Variants in SLC35F4 observed in about 807,000 individuals in gnomAD.
SLC35F4 encodes solute carrier family 35 member F4, also known as chromosome 14 open reading frame 36.
In SLC35F4, 24 loss-of-function variants were observed where a neutral mutation model predicts 44.2. That is an observed-to-expected ratio of 0.54 (90% CI 0.39 to 0.76). SLC35F4 has a LOEUF of 0.76. SLC35F4 is among the 30% of genes least tolerant of loss of function. The probability of loss-of-function intolerance (pLI) is 0.00; values close to 1 mark genes in which losing one functional copy is unlikely to be tolerated. For missense variants in SLC35F4, 562 were observed against 586.1 expected (o/e 0.96, Z 0.42); for synonymous variants, 238 against 223.6 (o/e 1.06, Z -0.57).
intron 1 of SLC35F4, among the ~76,000 whole-genome samples, chr14:57,745,179 A>G (rs2076722159): frequency 6.6e-6 from 1 of 152,222 alleles, no homozygotes; most frequent in Non-Finnish European, 1.5e-5. Flanking sequence ...ATGGGCAAGG[A>G]CTTCATGTCT....
chr14:57,914,862 C>T (rs1889286162), intron 1 of SLC35F4, among the ~76,000 whole-genome samples: 1 of 152,138 alleles, frequency 6.6e-6, no homozygotes, highest in South Asian at 2.1e-4. Flanking sequence ...GGTGACCTTA[C>T]AGTTCTAGGA....
intron 1 of SLC35F4, among the ~76,000 whole-genome samples, chr14:57,815,987 G>A (rs1425632627): frequency 6.6e-6 from 1 of 152,200 alleles, no homozygotes; most frequent in African/African-American, 2.4e-5. Flanking sequence ...GAAGCAAATA[G>A]AGAGCCAAGC....
At chr14:57,769,221 C>G (rs530139337) in intron 1 of SLC35F4, among the ~76,000 whole-genome samples, 92 of 152,158 alleles carry the variant, frequency 6.0e-4, no homozygotes, top group Admixed American at 2.0e-3. Flanking sequence ...TAATAGCCTC[C>G]AGCACCCGTG....
At chr14:57,659,998 A>C (rs73303892) in intron 1 of SLC35F4, among the ~76,000 whole-genome samples, 3,902 of 152,268 alleles carry the variant, frequency 0.026, 158 homozygotes, top group African/African-American at 0.088. Context: ...TCCCAAATCA[A>C]CAAGAGACAG....
At chr14:57,901,614 T>A (rs932642126) in intron 1 of SLC35F4, among the ~76,000 whole-genome samples, 4 of 152,096 alleles carry the variant, frequency 2.6e-5, no homozygotes, top group African/African-American at 4.8e-5. Flanking sequence ...CAAACCACCA[T>A]GGCACACATT....
At chr14:57,591,477 A>G (rs948774609) in intron 2 of SLC35F4, among the ~76,000 whole-genome samples, 4 of 152,216 alleles carry the variant, frequency 2.6e-5, no homozygotes, top group African/African-American at 9.6e-5. Context: ...AGGATAAATA[A>G]GAGGATAGAG....
At chr14:57,728,641 G>T (rs1428811189) in intron 1 of SLC35F4, among the ~76,000 whole-genome samples, 1 of 151,650 alleles carries the variant, frequency 6.6e-6, no homozygotes, top group Non-Finnish European at 1.5e-5. Context: ...GGAGAGACAG[G>T]ATTTCAACAA....
Position 57,571,331 on chromosome 14 carries a change from G to A in SLC35F4, c.933+563C>T, listed in dbSNP as rs182437312. On this transcript the variant is annotated intron_variant, in intron 5 of 7. Transcript: ENST00000556826. Reference sequence around the variant, plus strand: ...AAAATGGTGGGTACCTACAGCAGACGTAGAGCATCCATCAGAGAGAAAAAG... The same window carrying A: ...AAAATGGTGGGTACCTACAGCAGACATAGAGCATCCATCAGAGAGAAAAAG... 1.1e-3 allele frequency among the ~76,000 whole-genome samples: 172 copies of A among 152,280 alleles called. 1 individual carries two copies. The highest frequency in any genetic ancestry group is 3.8e-3 in the African/African-American group (159 of 41,562).
At chr14:57,783,395 T>G (rs1349530762) in intron 1 of SLC35F4, among the ~76,000 whole-genome samples, 7 of 151,228 alleles carry the variant, frequency 4.6e-5, no homozygotes, top group Admixed American at 4.6e-4. Context: ...AGTCTCCTAT[T>G]CTGGAAAAAA....
At chr14:57,850,514 C>T (rs1482723877) in intron 1 of SLC35F4, among the ~76,000 whole-genome samples, 1 of 152,134 alleles carries the variant, frequency 6.6e-6, no homozygotes, top group Non-Finnish European at 1.5e-5. Context: ...TTTGGGAAGA[C>T]ATTTGTATCA....
intron 1 of SLC35F4, among the ~76,000 whole-genome samples, chr14:57,683,082 T>C (rs12436239): frequency 0.45 from 68,911 of 151,902 alleles, 15,958 homozygotes; most frequent in African/African-American, 0.55. Flanking sequence ...TTTAGATAAA[T>C]ATATAGCTAA....
At chr14:57,739,596 G>A (rs1358936632) in intron 1 of SLC35F4, among the ~76,000 whole-genome samples, 1 of 152,130 alleles carries the variant, frequency 6.6e-6, no homozygotes. Context: ...TCCCTTCCTG[G>A]ATCAAACTGC....
At chr14:57,941,506 T>C (rs909105041) in intron 1 of SLC35F4, among the ~76,000 whole-genome samples, 3 of 151,880 alleles carry the variant, frequency 2.0e-5, no homozygotes, top group Non-Finnish European at 4.4e-5. Flanking sequence ...ATGCAGAAAA[T>C]AGATTAGAGG....
chr14:57,615,854 T>C (rs2071785627), intron 1 of SLC35F4, among the ~76,000 whole-genome samples: 1 of 152,186 alleles, frequency 6.6e-6, no homozygotes, highest in Non-Finnish European at 1.5e-5. Context: ...GGGTTAGATC[T>C]GGAGCTTTGC....
At chr14:57,978,757 T>G (rs2141099674) in intron 1 of SLC35F4, among the ~76,000 whole-genome samples, 1 of 152,338 alleles carries the variant, frequency 6.6e-6, no homozygotes, top group Non-Finnish European at 1.5e-5. Context: ...CCTGCAAACC[T>G]AAGCTCTTCC....
intron 1 of SLC35F4, among the ~76,000 whole-genome samples, chr14:57,830,449 T>C (rs1455404727): frequency 3.3e-5 from 5 of 152,216 alleles, no homozygotes; most frequent in Admixed American, 6.5e-5. Context: ...TAAGAGTAAC[T>C]TAGAATATGC....
intron 1 of SLC35F4, among the ~76,000 whole-genome samples, chr14:57,670,860 A>G (rs1217268920): frequency 6.6e-6 from 1 of 151,220 alleles, no homozygotes; most frequent in African/African-American, 2.4e-5. Flanking sequence ...GATGCCACAG[A>G]AGCTATAGAG....
chr14:57,836,658 ATAAT>A lies in SLC35F4; in HGVS notation c.103+29061_103+29064del, dbSNP rs573415393. On this transcript the variant is annotated intron_variant, in intron 1 of 7. Transcript: ENST00000556826. ...AAATATACACAATAGAGACAATAGTATAATTAATCTACATGTACTCAGCACAGCA... is the reference window on the plus strand; with the variant it reads ...AAATATACACAATAGAGACAATAGTATAATCTACATGTACTCAGCACAGCA... Among the ~76,000 whole-genome samples, 1,464 of 152,108 alleles carry A rather than the reference ATAAT, an allele frequency of 9.6e-3. 19 individuals carry two copies. Among genetic ancestry groups the A allele is most frequent in the African/African-American group, 0.033 (1,373 of 41,484 alleles).
chr14:57,816,921 C>T (rs931585931), intron 1 of SLC35F4, among the ~76,000 whole-genome samples: 1 of 152,202 alleles, frequency 6.6e-6, no homozygotes, highest in Non-Finnish European at 1.5e-5. Flanking sequence ...TCTTTTGAAA[C>T]TCTCATCCCA....
Sources: gnomAD v4.1 joint callset for allele counts (sites outside exome capture counted in the v4.1 genomes callset) on GRCh38, gnomAD v4.1.1 for gene constraint, MANE v1.5 for transcripts, NCBI Gene and HGNC (gene_info 2026-07-23, HGNC 2026-07-21) for gene names.